The following NLGN1 variants were observed in gnomAD, a reference collection of about 807,000 sequenced individuals.
NLGN1 encodes the protein neuroligin 1.
NLGN1 carries 12 observed loss-of-function variants against 65.5 expected under a neutral mutation model. That is an observed-to-expected ratio of 0.18 (90% CI 0.12 to 0.30). The LOEUF (loss-of-function observed/expected upper bound fraction) is 0.30. Ranked by LOEUF, NLGN1 falls within the 10% of genes least tolerant of loss-of-function variation. The probability of loss-of-function intolerance (pLI) is 1.00; values close to 1 mark genes in which losing one functional copy is unlikely to be tolerated. For missense variants in NLGN1, 750 were observed against 1,007.1 expected, an observed-to-expected ratio of 0.74 and a Z score of 3.46; for synonymous variants, 350 against 359.5, an observed-to-expected ratio of 0.97 and a Z score of 0.30.
At chr3:174,273,177 A>C (rs1749804112) in intron 4 of NLGN1, among the ~76,000 whole-genome samples, 1 of 151,774 alleles carries the variant, frequency 6.6e-6, no homozygotes, top group African/African-American at 2.4e-5. Flanking sequence ...GAGTAAGTGA[A>C]TTCTGTATGG....
At chr3:173,621,200 G>A (rs958732173) in intron 3 of NLGN1, among the ~76,000 whole-genome samples, 1 of 152,126 alleles carries the variant, frequency 6.6e-6, no homozygotes, top group African/African-American at 2.4e-5. Flanking sequence ...CATTAAGGAG[G>A]AAGAAATGTT....
intron 3 of NLGN1, among the ~76,000 whole-genome samples, chr3:173,653,632 A>G (rs1280808504): frequency 1.3e-5 from 2 of 152,196 alleles, no homozygotes; most frequent in Non-Finnish European, 2.9e-5. Context: ...ATATATTGAT[A>G]TAGTTGATTA....
intron 4 of NLGN1, among the ~76,000 whole-genome samples, chr3:174,088,225 T>C (rs1743790400): frequency 1.4e-5 from 2 of 147,366 alleles, no homozygotes; most frequent in African/African-American, 2.6e-5. Context: ...TATCAGAGGC[T>C]AGCAAAGGTT....
At chr3:173,954,572 G>A (rs760626109) in intron 4 of NLGN1, among the ~76,000 whole-genome samples, 1 of 151,986 alleles carries the variant, frequency 6.6e-6, no homozygotes, top group African/African-American at 2.4e-5. Flanking sequence ...CACTTCTTGA[G>A]TTGCTTCTTC....
chr3:174,064,177 T>TA (rs961226474), intron 4 of NLGN1, among the ~76,000 whole-genome samples: 23 of 148,904 alleles, frequency 1.5e-4, no homozygotes, highest in Non-Finnish European at 7.5e-5. Flanking sequence ...ATAGCAACAA[T>TA]AAAAAAAAGA....
At chr3:173,734,478 C>CCT (rs1210126820) in intron 3 of NLGN1, among the ~76,000 whole-genome samples, 3 of 143,958 alleles carry the variant, frequency 2.1e-5, no homozygotes, top group African/African-American at 5.2e-5. Context: ...CTCATTGTAG[C>CCT]CTCAAACCCC....
At chr3:174,153,047 A>G (rs1724704487) in intron 4 of NLGN1, among the ~76,000 whole-genome samples, 1 of 152,002 alleles carries the variant, frequency 6.6e-6, no homozygotes, top group Non-Finnish European at 1.5e-5. Context: ...TCCCATCTCC[A>G]TCACTATGCT....
At chr3:174,075,917 A>C (rs186229831) in intron 4 of NLGN1, among the ~76,000 whole-genome samples, 1 of 152,296 alleles carries the variant, frequency 6.6e-6, no homozygotes, top group East Asian at 1.9e-4. Flanking sequence ...AAAAGTATAC[A>C]CTTTACATTG....
At chr3:173,991,707 G>A (rs951675638) in intron 4 of NLGN1, among the ~76,000 whole-genome samples, 5 of 152,144 alleles carry the variant, frequency 3.3e-5, no homozygotes, top group Admixed American at 1.3e-4. Context: ...TGAAGGCTCC[G>A]TATGCTCCTT....
chr3:173,737,195 A>C (rs534544001), intron 3 of NLGN1, among the ~76,000 whole-genome samples: 1 of 151,720 alleles, frequency 6.6e-6, no homozygotes, highest in Middle Eastern at 3.4e-3. Context: ...ACGAAAGACA[A>C]CTTCCTGTAT....
chr3:174,032,892 T>C (rs1253553220), intron 4 of NLGN1, among the ~76,000 whole-genome samples: 2 of 151,792 alleles, frequency 1.3e-5, no homozygotes, highest in African/African-American at 4.8e-5. Context: ...CCAACAGGGG[T>C]CAGAGATTCA....
At chr3:174,197,335 A>T (rs1315291187) in intron 4 of NLGN1, among the ~76,000 whole-genome samples, 1 of 152,058 alleles carries the variant, frequency 6.6e-6, no homozygotes, top group African/African-American at 2.4e-5. Flanking sequence ...TTAAAAACTA[A>T]CAGGAACCAA....
chr3:173,718,719 T>C (rs867371783), intron 3 of NLGN1, among the ~76,000 whole-genome samples: 1 of 152,208 alleles, frequency 6.6e-6, no homozygotes, highest in Admixed American at 6.6e-5. Context: ...CATCTACTTG[T>C]GTGATCCTAT....
chr3:173,764,051 G>C (rs959497882), intron 3 of NLGN1, among the ~76,000 whole-genome samples: 1 of 152,050 alleles, frequency 6.6e-6, no homozygotes, highest in African/African-American at 2.4e-5. Flanking sequence ...TTTAAACCTT[G>C]TTTTCTCTGG....
At chr3:173,500,799 A>T (rs751623419) in intron 2 of NLGN1, among the ~76,000 whole-genome samples, 1 of 152,224 alleles carries the variant, frequency 6.6e-6, no homozygotes. Flanking sequence ...GCATGGGTTT[A>T]GTCCCCTTGC....
chr3:173,757,838 G>A (rs1777370486), intron 3 of NLGN1, among the ~76,000 whole-genome samples: 2 of 151,970 alleles, frequency 1.3e-5, no homozygotes, highest in Non-Finnish European at 2.9e-5. Context: ...TTTATAATAC[G>A]ATGTCTGAAA....
At chr3:174,089,058 A>AAC (rs1744008912) in intron 4 of NLGN1, among the ~76,000 whole-genome samples, 1 of 152,126 alleles carries the variant, frequency 6.6e-6, no homozygotes, top group Non-Finnish European at 1.5e-5. Context: ...ATCCATCCTG[A>AAC]ACACACACAA....
intron 4 of NLGN1, among the ~76,000 whole-genome samples, chr3:173,905,225 T>A (rs1176490281): frequency 6.6e-6 from 1 of 152,156 alleles, no homozygotes; most frequent in Non-Finnish European, 1.5e-5. Flanking sequence ...CTTCTGTTAG[T>A]TTTTACAGAT....
chr3:174,007,912 A>G (rs1419419326), intron 4 of NLGN1, among the ~76,000 whole-genome samples: 1 of 151,564 alleles, frequency 6.6e-6, no homozygotes, highest in Non-Finnish European at 1.5e-5. Flanking sequence ...AGTTCTTCAA[A>G]GTGAGTACAT....
Sources: gnomAD v4.1 joint callset for allele counts (sites outside exome capture counted in the v4.1 genomes callset) on GRCh38, gnomAD v4.1.1 for gene constraint, MANE v1.5 for transcripts, NCBI Gene and HGNC (gene_info 2026-07-23, HGNC 2026-07-21) for gene names.